Variants in PRORP observed in about 807,000 individuals in gnomAD.
PRORP encodes the protein protein only RNase P catalytic subunit, also known as mitochondrial ribonuclease P catalytic subunit.
In PRORP, 51 loss-of-function variants were observed where a neutral mutation model predicts 59.4. That is an observed-to-expected ratio of 0.86 (90% CI 0.69 to 1.08). The LOEUF (loss-of-function observed/expected upper bound fraction) is 1.08, where lower values mean the gene tolerates loss of function less well. Ranked by LOEUF, PRORP falls within the 50% of genes least tolerant of loss-of-function variation. The pLI is 0.00. For missense variants in PRORP, 646 were observed against 690.3 expected, an observed-to-expected ratio of 0.94 and a Z score of 0.72; for synonymous variants, 231 against 245.6, an observed-to-expected ratio of 0.94 and a Z score of 0.55.
intron 5 of PRORP, among the ~76,000 whole-genome samples, chr14:35,202,806 A>T (rs930616791): frequency 3.9e-5 from 6 of 151,954 alleles, no homozygotes; most frequent in Non-Finnish European, 8.8e-5. Context: ...ATTAAAAAAA[A>T]ATTTTTTTGT....
chr14:35,246,236 A>G (rs1566523863), intron 5 of PRORP, among the ~76,000 whole-genome samples: 1 of 152,144 alleles, frequency 6.6e-6, no homozygotes. Context: ...CTAGAAACTG[A>G]TATCTTCTTA....
At chr14:35,148,307 A>G (rs561828064) in intron 4 of PRORP, among the ~76,000 whole-genome samples, 29 of 152,236 alleles carry the variant, frequency 1.9e-4, no homozygotes, top group African/African-American at 6.5e-4. Context: ...GGGCTTTAGA[A>G]TGGATGTTGT....
rs199717882 is a variant in PRORP, at chr14:35,123,222, A to G, written c.-24A>G. 8.9e-5 allele frequency: 142 copies of G among 1,591,846 alleles called. 1 individual carries two copies. The East Asian group carries it at 2.6e-3, about 29-fold the overall frequency. Reference sequence around the variant, plus strand: ...GGGTTTTTTCAACATCTCTCTCACTATCTGGTGCTGATCTCACTGCATAAT... The same window carrying G: ...GGGTTTTTTCAACATCTCTCTCACTGTCTGGTGCTGATCTCACTGCATAAT... On this transcript the variant is annotated 5_prime_UTR_variant, in exon 2 of 8. Transcript: ENST00000534898.
rs149078753 is a variant in PRORP, at chr14:35,269,267, T to A, written c.1425-1134T>A. Among the ~76,000 whole-genome samples the A allele has an allele frequency of 1.7e-3, 266 of 152,308 alleles. 2 individuals carry two copies. Among genetic ancestry groups the A allele is most frequent in the African/African-American group, 6.1e-3 (254 of 41,564 alleles). ...GCACCAAGTACATGGAAAACATATA[T>A]GTTAGTTGCTGTCATGATCATTATT... On this transcript the variant is annotated intron_variant, in intron 6 of 7. Transcript: ENST00000534898.
intron 5 of PRORP, among the ~76,000 whole-genome samples, chr14:35,235,973 A>G (rs1437955245): frequency 2.0e-5 from 3 of 151,754 alleles, no homozygotes; most frequent in Non-Finnish European, 4.4e-5. Flanking sequence ...ATACACACAT[A>G]TAGTCCCAGC....
At chr14:35,222,706 G>A (rs930553816) in intron 5 of PRORP, 3 of 152,204 alleles carry the variant, frequency 2.0e-5, no homozygotes, top group Non-Finnish European at 2.9e-5. Flanking sequence ...CTTCACCTAG[G>A]TAGAACTTAA....
Position 35,124,094 on chromosome 14 carries a change from A to C in PRORP, c.849A>C (p.Lys283Asn). The change falls in exon 2 of 8, where the codon AAA becomes AAC. Residue 283 changes from lysine (K) to asparagine (N), a missense_variant. Transcript: ENST00000534898. ...HDIVPMLETL[K>N]AFFDFGKDIK... is the part of the protein sequence containing the mutation. ...TTGTTCCTATGTTGGAAACTTTAAA[A>C]GCTTTCTTTGATTTTGGAAAAGACA... 1.2e-6 allele frequency: 2 copies of C among 1,613,818 alleles called. No individual in the cohort carries two copies. Among genetic ancestry groups the C allele is most frequent in the Non-Finnish European group, 1.7e-6 (2 of 1,179,892 alleles).
chr14:35,193,252 A>G (rs1240405238), intron 5 of PRORP, among the ~76,000 whole-genome samples: 1 of 152,208 alleles, frequency 6.6e-6, no homozygotes, highest in Non-Finnish European at 1.5e-5. Context: ...ATTGGTTAAA[A>G]TGGCTTCAGC....
chr14:35,261,735 AAAAC>A (rs1252577482), intron 5 of PRORP, among the ~76,000 whole-genome samples: 9 of 152,136 alleles, frequency 5.9e-5, no homozygotes, highest in East Asian at 3.8e-4. Context: ...TCTCAAAAAA[AAAAC>A]AAACAAACTA....
intron 5 of PRORP, among the ~76,000 whole-genome samples, chr14:35,251,557 T>TTTTG (rs766611810): frequency 1.3e-5 from 2 of 151,868 alleles, no homozygotes; most frequent in African/African-American, 4.8e-5. Flanking sequence ...TATTTTTGGG[T>TTTTG]TTTGTTTGTT....
intron 5 of PRORP, among the ~76,000 whole-genome samples, chr14:35,203,904 A>T (rs2049224632): frequency 6.6e-6 from 1 of 152,210 alleles, no homozygotes; most frequent in African/African-American, 2.4e-5. Flanking sequence ...TCATTTTATT[A>T]TTGCATTGAG....
intron 5 of PRORP, among the ~76,000 whole-genome samples, chr14:35,206,713 A>C (rs1442205876): frequency 1.3e-5 from 2 of 152,204 alleles, no homozygotes; most frequent in Non-Finnish European, 2.9e-5. Context: ...GGGTGACTAT[A>C]GGTAAGATAG....
intron 2 of PRORP, among the ~76,000 whole-genome samples, chr14:35,126,071 G>C (rs1204056086): frequency 6.6e-6 from 1 of 152,144 alleles, no homozygotes; most frequent in Non-Finnish European, 1.5e-5. Context: ...CAGTTGCCAA[G>C]TGAGAAGAGT....
chr14:35,131,508 G>GT (rs2047236830), intron 4 of PRORP, among the ~76,000 whole-genome samples: 1 of 146,666 alleles, frequency 6.8e-6, no homozygotes, highest in Non-Finnish European at 1.5e-5. Context: ...TATGTTATTT[G>GT]TTTTTTTCTC....
chr14:35,263,933 G>C (rs1490432977), intron 5 of PRORP, among the ~76,000 whole-genome samples: 1 of 151,942 alleles, frequency 6.6e-6, no homozygotes, highest in African/African-American at 2.4e-5. Context: ...CATGAAGTGG[G>C]CAAGTTGTGT....
intron 5 of PRORP, among the ~76,000 whole-genome samples, chr14:35,264,218 C>T (rs941221995): frequency 1.3e-5 from 2 of 152,058 alleles, no homozygotes. Context: ...ACCTCCACCC[C>T]ACGGATTCAA....
chr14:35,268,030 C>A (rs1161881331), intron 6 of PRORP, among the ~76,000 whole-genome samples: 3 of 152,022 alleles, frequency 2.0e-5, no homozygotes, highest in African/African-American at 7.2e-5. Context: ...GCCAAAGGAA[C>A]CATGGTAAAC....
rs150775307 is a variant in PRORP, at chr14:35,137,724, C to T, written c.1167+10113C>T. Among the ~76,000 whole-genome samples, 12 of 145,010 alleles carry T rather than the reference C, an allele frequency of 8.3e-5. 2 individuals carry two copies. Among genetic ancestry groups the T allele is most frequent in the African/African-American group, 2.2e-4 (9 of 40,988 alleles). On this transcript the variant is annotated intron_variant, in intron 4 of 7. Transcript: ENST00000534898. ...CAGAGGTAGTAAAGACAAAGGGTAG[C>T]GTTGGTCCAGAGTTTGGGTTTTGTT...
At chr14:35,163,349 C>T (rs1400672888) in intron 4 of PRORP, among the ~76,000 whole-genome samples, 1 of 151,822 alleles carries the variant, frequency 6.6e-6, no homozygotes, top group Non-Finnish European at 1.5e-5. Context: ...TTTATTTCTC[C>T]CTGAAATGCT....
Sources: allele counts gnomAD v4.1 joint callset (sites outside exome capture counted in the v4.1 genomes callset), GRCh38; gene constraint gnomAD v4.1.1; transcripts MANE v1.5; gene names NCBI Gene and HGNC (gene_info 2026-07-23, HGNC 2026-07-21).